The following AOAH variants were observed in gnomAD, a reference collection of about 807,000 sequenced individuals.
The protein encoded by AOAH is acyloxyacyl hydrolase (neutrophil).
A neutral mutation model predicts 92.2 loss-of-function variants in AOAH; 64 were observed. That is an observed-to-expected ratio of 0.69 (90% CI 0.57 to 0.86). AOAH has a LOEUF of 0.86. AOAH is among the 40% of genes least tolerant of loss of function. The pLI, the probability that AOAH is intolerant of heterozygous loss-of-function variation, is 0.00. For synonymous variants in AOAH, 263 were observed against 254.5 expected (o/e 1.03, Z -0.32); for missense variants, 656 against 694.6 (o/e 0.94, Z 0.62).
chr7:36,674,589 G>T (rs924420194), intron 2 of AOAH, among the ~76,000 whole-genome samples: 2 of 152,188 alleles, frequency 1.3e-5, no homozygotes, highest in Non-Finnish European at 2.9e-5. Context: ...ACCTATGAGA[G>T]CACATGAATG....
rs373606812 is a variant in AOAH at position 36,604,023 on chromosome 7, G to A, written c.847-9593C>T. 3.0e-4 allele frequency among the ~76,000 whole-genome samples: 45 copies of A among 152,286 alleles called. No homozygotes were observed. In the East Asian group the frequency reaches 5.4e-3, roughly 18 times the overall value. On this transcript the variant is annotated intron_variant, in intron 11 of 20. Coordinates refer to ENST00000617537, the MANE Select transcript of AOAH (RefSeq NM_001637.4). ...CTGGGAAGTTCAAGATCAAGGTGCT[G>A]GCAAATTTGGGTCTGGTGAAGGCCT... is the stretch of plus-strand genomic sequence containing the variant.
At chr7:36,600,184 T>C (rs1312131251) in intron 11 of AOAH, 1 of 152,348 alleles carries the variant, frequency 6.6e-6, no homozygotes, top group East Asian at 1.9e-4. Flanking sequence ...TCAATTCAAT[T>C]ACACAACTCT....
At chr7:36,624,286 G>C (rs1239493869) in intron 6 of AOAH, among the ~76,000 whole-genome samples, 4 of 152,200 alleles carry the variant, frequency 2.6e-5, no homozygotes, top group Non-Finnish European at 5.9e-5. Context: ...TTGGAGCCGA[G>C]AATTTACAGT....
At chr7:36,688,942 TAC>T (rs1246812882) in intron 1 of AOAH, among the ~76,000 whole-genome samples, 4 of 152,168 alleles carry the variant, frequency 2.6e-5, no homozygotes, top group South Asian at 2.1e-4. Flanking sequence ...TATATATACA[TAC>T]ACACACATAT....
At chr7:36,654,214 G>GT (rs1166093628) in intron 4 of AOAH, among the ~76,000 whole-genome samples, 3 of 151,194 alleles carry the variant, frequency 2.0e-5, no homozygotes, top group Admixed American at 6.6e-5. Context: ...CCCAAGATAC[G>GT]TAACACAAAA....
intron 6 of AOAH, among the ~76,000 whole-genome samples, chr7:36,626,834 G>GTCTT (rs1473350152): frequency 6.6e-6 from 1 of 152,132 alleles, no homozygotes; most frequent in Non-Finnish European, 1.5e-5. Flanking sequence ...GCCCAGGCTG[G>GTCTT]TCTTTAGCTC....
intron 2 of AOAH, among the ~76,000 whole-genome samples, chr7:36,679,058 A>C (rs968326670): frequency 1.3e-5 from 2 of 152,208 alleles, no homozygotes; most frequent in African/African-American, 4.8e-5. Flanking sequence ...TCCAAAGGAC[A>C]AAATAAAGTT....
chr7:36,544,487 C>A (rs1785665311), intron 15 of AOAH, among the ~76,000 whole-genome samples: 1 of 152,104 alleles, frequency 6.6e-6, no homozygotes, highest in Non-Finnish European at 1.5e-5. Context: ...AGGGTCCCAG[C>A]ACCCCTTCTC....
intron 11 of AOAH, among the ~76,000 whole-genome samples, chr7:36,607,711 C>A (rs151065128): frequency 6.6e-6 from 1 of 152,324 alleles, no homozygotes; most frequent in African/African-American, 2.4e-5. Flanking sequence ...GGGCTTGAGG[C>A]TGATTATCTG....
intron 12 of AOAH, 133 bp downstream of exon 12, chr7:36,594,206 G>A (rs1308249610): frequency 2.1e-5 from 15 of 725,706 alleles, no homozygotes; most frequent in Non-Finnish European, 7.3e-6. Flanking sequence ...CTGTATGGTG[G>A]ATGAACTCAA....
chr7:36,615,573 G>A (rs1791808168), intron 11 of AOAH, among the ~76,000 whole-genome samples: 1 of 152,104 alleles, frequency 6.6e-6, no homozygotes, highest in African/African-American at 2.4e-5. Flanking sequence ...GTGGCATTCA[G>A]ACTGCCCTTC....
chr7:36,571,056 T>C (rs1036859425), intron 13 of AOAH, among the ~76,000 whole-genome samples: 45 of 152,142 alleles, frequency 3.0e-4, no homozygotes, highest in African/African-American at 9.9e-4. Flanking sequence ...CTGAGTCAGG[T>C]GGAGTGGCTA....
At chr7:36,608,660 C>T (rs184827710) in intron 11 of AOAH, among the ~76,000 whole-genome samples, 202 of 152,180 alleles carry the variant, frequency 1.3e-3, no homozygotes, top group Non-Finnish European at 2.0e-3. Flanking sequence ...AGTCAATGTC[C>T]GAGACTATTC....
intron 12 of AOAH, among the ~76,000 whole-genome samples, chr7:36,581,134 G>A (rs1341468010): frequency 6.6e-6 from 1 of 152,146 alleles, no homozygotes; most frequent in Admixed American, 6.5e-5. Context: ...AATACTTCTG[G>A]TTTAGCCTCA....
chr7:36,548,478 G>A, intron 15 of AOAH, 134 bp downstream of exon 15: 1 of 693,302 alleles, frequency 1.4e-6, no homozygotes, highest in Non-Finnish European at 2.4e-6. Flanking sequence ...GAGCCCCTGT[G>A]CCCGGCCGTG....
chr7:36,639,850 C>A (rs1793777732), intron 4 of AOAH, among the ~76,000 whole-genome samples: 1 of 152,194 alleles, frequency 6.6e-6, no homozygotes, highest in Non-Finnish European at 1.5e-5. Context: ...AGGGGACTGA[C>A]CTCGAGCAAG....
chr7:36,681,792 C>A (rs1235200091), intron 2 of AOAH, among the ~76,000 whole-genome samples: 1 of 152,142 alleles, frequency 6.6e-6, no homozygotes, highest in African/African-American at 2.4e-5. Context: ...CAGAGCAAGA[C>A]TCTGTCTCCA....
intron 7 of AOAH, 104 bp from the exon 8 acceptor site, chr7:36,621,884 T>A: frequency 1.1e-6 from 1 of 936,376 alleles, no homozygotes; most frequent in Non-Finnish European, 1.8e-6. Context: ...CCACAGTTTT[T>A]AATTCAGATT....
rs1344633122 is a variant in AOAH, at chr7:36,673,925, G to A, written c.290+18C>T. Reference sequence around the variant, plus strand: ...GTCCCAGCAATGGAATCAGAGTTATGTGTCATGGCATACTCACAGTTTTAT... The same window carrying A: ...GTCCCAGCAATGGAATCAGAGTTATATGTCATGGCATACTCACAGTTTTAT... On this transcript the variant is annotated intron_variant, in intron 3 of 20. Coordinates refer to ENST00000617537, the MANE Select transcript of AOAH (RefSeq NM_001637.4). 6.4e-7 allele frequency: 1 copy of A among 1,574,704 alleles called. No homozygotes were observed. The highest frequency in any genetic ancestry group is 1.7e-5 in the Admixed American group (1 of 59,028).
Sources: allele counts gnomAD v4.1 joint callset (sites outside exome capture counted in the v4.1 genomes callset), GRCh38; gene constraint gnomAD v4.1.1; transcripts MANE v1.5; gene names NCBI Gene and HGNC (gene_info 2026-07-23, HGNC 2026-07-21).